Variants in KLHL1 observed in about 807,000 individuals in gnomAD.
KLHL1 encodes kelch like family member 1.
A neutral mutation model predicts 77.7 loss-of-function variants in KLHL1; 47 were observed. The ratio of observed to expected loss-of-function variants is 0.60; its 90% CI spans 0.48 to 0.77. The LOEUF is 0.77. KLHL1 is among the 30% of genes least tolerant of loss of function. KLHL1 has a pLI of 0.00. For synonymous variants in KLHL1, 360 were observed against 325.2 expected (o/e 1.11, Z -1.15); for missense variants, 925 against 910.8 (o/e 1.02, Z -0.20).
Position 69,882,403 on chromosome 13 carries a change from A to G in KLHL1, c.1107T>C (p.Val369=), listed in dbSNP as rs778786725. ...CATGGAAGATGGTTTCTTCATCAGG[A>G]ACATTGACATCATCACTGGCCAGTA... ...HKLLASDDVN[V]PDEETIFHAL... The change falls in exon 5 of 11, where the codon GTT becomes GTC. Residue 369 remains valine (V), a synonymous_variant. Coordinates refer to ENST00000377844, the MANE Select transcript of KLHL1 (RefSeq NM_020866.3). 1.2e-6 allele frequency: 2 copies of G among 1,613,686 alleles called. No individual in the cohort carries two copies. The highest frequency in any genetic ancestry group is 3.3e-5 in the Admixed American group (2 of 60,014).
At chr13:69,743,418 T>C (rs1022707749) in intron 7 of KLHL1, among the ~76,000 whole-genome samples, 4 of 152,170 alleles carry the variant, frequency 2.6e-5, no homozygotes, top group African/African-American at 7.2e-5. Context: ...ATATTTGAAA[T>C]ATACTCACAT....
chr13:70,056,941 GTA>G (rs1242231272), intron 1 of KLHL1, among the ~76,000 whole-genome samples: 1 of 151,916 alleles, frequency 6.6e-6, no homozygotes, highest in Non-Finnish European at 1.5e-5. Context: ...CCCAAAATTA[GTA>G]GAGGAAAATA....
intron 4 of KLHL1, among the ~76,000 whole-genome samples, chr13:69,903,630 CTTTTTTTTTTT>C (rs35761520): frequency 3.2e-4 from 16 of 50,206 alleles, no homozygotes; most frequent in African/African-American, 1.2e-3. Flanking sequence ...TGTTCACATT[CTTTTTTTTTTT>C]TTTTTTTTTT....
At position 69,982,437 on chromosome 13, in the gene KLHL1, AAATAATAATAAT is replaced by A. The variant is rs34183465; in HGVS notation, c.498-6647_498-6636del. On this transcript the variant is annotated intron_variant, in intron 1 of 10. Transcript: ENST00000377844. ...GGCGACAGAGCAAGACTCCATCTCC[AAATAATAATAAT>A]AATAATAATAATAATAATAATAATA... Among the ~76,000 whole-genome samples the A allele has an allele frequency of 8.1e-3, 1,095 of 135,740 alleles. 7 individuals are homozygous for A. The highest frequency in any genetic ancestry group is 0.02 in the African/African-American group (703 of 36,022). 89.1% of individuals were successfully genotyped at this position (135,740 alleles called of 152,430 possible).
intron 4 of KLHL1, among the ~76,000 whole-genome samples, chr13:69,909,545 A>T (rs187595649): frequency 0.021 from 3,165 of 151,846 alleles, 44 homozygotes; most frequent in Middle Eastern, 0.031. Flanking sequence ...ATTTTTTTTT[A>T]AAAAAATCAA....
intron 7 of KLHL1, among the ~76,000 whole-genome samples, chr13:69,790,373 G>A (rs1273035107): frequency 6.6e-6 from 1 of 152,170 alleles, no homozygotes; most frequent in Non-Finnish European, 1.5e-5. Flanking sequence ...TCTCTGTAAT[G>A]TTGTGGTTGC....
intron 6 of KLHL1, among the ~76,000 whole-genome samples, chr13:69,815,917 A>C (rs1878101032): frequency 6.6e-6 from 1 of 152,090 alleles, no homozygotes. Flanking sequence ...TAAAAAACTG[A>C]AAGATAAAGA....
chr13:70,078,767 A>G (rs1452673537), intron 1 of KLHL1, among the ~76,000 whole-genome samples: 3 of 152,220 alleles, frequency 2.0e-5, no homozygotes. Flanking sequence ...TAAAAATTAT[A>G]AATATATTTC....
At position 69,719,352 on chromosome 13, in the gene KLHL1, T is replaced by C; in HGVS notation, c.2015+17A>G. 6.2e-7 allele frequency: 1 copy of C among 1,607,270 alleles called. No individual in the cohort carries two copies. Among genetic ancestry groups the C allele is most frequent in the Non-Finnish European group, 8.5e-7 (1 of 1,174,378 alleles). ...TGCACTGTCTCTTTCGCTGTAACAG[T>C]GTCCTTGGGGTCTTACCTTTCTACA... On this transcript the variant is annotated intron_variant, in intron 9 of 10. Transcript: ENST00000377844.
At position 69,800,684 on chromosome 13, in the gene KLHL1, C is replaced by A. The variant is rs112717457; in HGVS notation, c.1415-3722G>T. Among the ~76,000 whole-genome samples the A allele has an allele frequency of 8.5e-4, 130 of 152,214 alleles. 1 individual carries two copies. Among genetic ancestry groups the A allele is most frequent in the African/African-American group, 3.0e-3 (126 of 41,526 alleles). ...TATTAGCTTTCTATCTAAGCCACCT[C>A]ATTCTATAATTACTATTAATTTATC... On this transcript the variant is annotated intron_variant, in intron 6 of 10. Coordinates refer to ENST00000377844, the MANE Select transcript of KLHL1 (RefSeq NM_020866.3).
chr13:69,934,982 ATATATATG>A (rs1883130600), intron 4 of KLHL1, among the ~76,000 whole-genome samples: 1 of 134,578 alleles, frequency 7.4e-6, no homozygotes, highest in African/African-American at 3.1e-5. Context: ...ATATATATAT[ATATATATG>A]TATATATATA....
At chr13:69,955,971 T>C (rs1436091950) in intron 3 of KLHL1, among the ~76,000 whole-genome samples, 1 of 139,400 alleles carries the variant, frequency 7.2e-6, no homozygotes, top group Non-Finnish European at 1.5e-5. Context: ...ATTTATATAT[T>C]TGATATATAT....
chr13:70,032,752 A>G (rs1411035748), intron 1 of KLHL1, among the ~76,000 whole-genome samples: 2 of 152,194 alleles, frequency 1.3e-5, no homozygotes, highest in Admixed American at 1.3e-4. Context: ...TGCAAAAGTT[A>G]TTTATCTATG....
intron 1 of KLHL1, among the ~76,000 whole-genome samples, chr13:70,006,222 CT>C (rs1232281347): frequency 6.6e-6 from 1 of 151,952 alleles, no homozygotes; most frequent in Non-Finnish European, 1.5e-5. Flanking sequence ...GAATAATATT[CT>C]GTTGTATGCA....
At chr13:70,015,138 G>C (rs1233972137) in intron 1 of KLHL1, among the ~76,000 whole-genome samples, 1 of 152,090 alleles carries the variant, frequency 6.6e-6, no homozygotes, top group Non-Finnish European at 1.5e-5. Flanking sequence ...GCCACTAAAT[G>C]ATGGGGATAT....
At chr13:70,044,051 TCAATGGTTTCC>T (rs1287137383) in intron 1 of KLHL1, among the ~76,000 whole-genome samples, 1 of 152,194 alleles carries the variant, frequency 6.6e-6, no homozygotes, top group Non-Finnish European at 1.5e-5. Context: ...TCAACACTTT[TCAATGGTTTCC>T]CATGGTACTT....
chr13:69,759,148 G>T (rs1276836636), intron 7 of KLHL1, among the ~76,000 whole-genome samples: 5 of 152,098 alleles, frequency 3.3e-5, no homozygotes, highest in African/African-American at 1.2e-4. Context: ...GATTCACTCT[G>T]CCTTGTAGCT....
intron 5 of KLHL1, among the ~76,000 whole-genome samples, chr13:69,851,157 G>GCA: frequency 8.1e-6 from 1 of 123,744 alleles, no homozygotes; most frequent in African/African-American, 3.0e-5. Flanking sequence ...TAAGTACTGT[G>GCA]TTTACTTAAA....
At chr13:69,994,886 A>G (rs1357914905) in intron 1 of KLHL1, among the ~76,000 whole-genome samples, 1 of 152,128 alleles carries the variant, frequency 6.6e-6, no homozygotes, top group Admixed American at 6.6e-5. Flanking sequence ...ATGACATTTT[A>G]AGACATTCAC....
Sources: allele counts gnomAD v4.1 joint callset (sites outside exome capture counted in the v4.1 genomes callset), GRCh38; gene constraint gnomAD v4.1.1; transcripts MANE v1.5; gene names NCBI Gene and HGNC (gene_info 2026-07-23, HGNC 2026-07-21).